The following TAP2 variants were observed in gnomAD, a reference collection of about 807,000 sequenced individuals.
TAP2 encodes the protein transporter 2, ATP binding cassette subfamily B member.
A neutral mutation model predicts 74.7 loss-of-function variants in TAP2; 49 were observed. That is an observed-to-expected ratio of 0.66 (90% CI 0.52 to 0.83). The LOEUF is 0.83. TAP2 is among the 40% of genes least tolerant of loss of function. The pLI is 0.00. For synonymous variants in TAP2, 306 were observed against 368.4 expected, an observed-to-expected ratio of 0.83 and a Z score of 1.94; for missense variants, 739 against 859.0, an observed-to-expected ratio of 0.86 and a Z score of 1.75.
rs143986368 is a variant in TAP2, at chr6:32,833,768, G to C, written c.946-944C>G. On this transcript the variant is annotated intron_variant, in intron 5 of 11. Transcript: ENST00000374897. ...TCTGGCTGTGTCCCTACCCATATCT[G>C]ATCTTGAATTCCCATGTGTTGTGGG... Among the ~76,000 whole-genome samples, 5 of 152,290 alleles carry C rather than the reference G, an allele frequency of 3.3e-5. No individual in the cohort carries two copies. In the East Asian group the frequency reaches 9.6e-4, roughly 29 times the overall value.
In TAP2 at chr6:32,827,489, C is replaced by T; in HGVS notation, c.*1417G>A. On this transcript the variant is annotated 3_prime_UTR_variant, in exon 12 of 12. Transcript: ENST00000374897. The stretch of plus-strand genomic sequence containing the variant: ...AAGGGAAGATAGAACTTTAAAAGGG[C>T]TGTGAAAGAGGTAACCGCACAGTGA... 1 of 407,062 alleles carries T rather than the reference C, an allele frequency of 2.5e-6. No individual in the cohort carries two copies. Among genetic ancestry groups the T allele is most frequent in the Non-Finnish European group, 3.3e-6 (1 of 301,932 alleles). 25.2% of individuals were successfully genotyped at this position (407,062 alleles called of 1,614,324 possible).
At chr6:32,821,942 G>T (rs1012740801), downstream of TAP2, 6 of 257,932 alleles carry the variant, frequency 2.3e-5, no homozygotes, top group Non-Finnish European at 4.4e-5. Context: ...ACCAGCAAGA[G>T]GTGTAACATG....
intron 3 of TAP2, among the ~76,000 whole-genome samples, chr6:32,836,636 T>G (rs1163189868): frequency 6.6e-6 from 1 of 152,226 alleles, no homozygotes; most frequent in Admixed American, 6.5e-5. Context: ...GTACAACATA[T>G]AACTGCACCT....
chr6:32,829,118 G>A lies in TAP2; in HGVS notation c.1933-84C>T. Reference sequence around the variant, plus strand: ...CTGGGCACCATCTCTTATGATTTAGGGTAAAGAAGGTGTGAAATAAAAGAA... The same window carrying A: ...CTGGGCACCATCTCTTATGATTTAGAGTAAAGAAGGTGTGAAATAAAAGAA... On this transcript the variant is annotated intron_variant, in intron 11 of 11. Transcript: ENST00000374897. The A allele has an allele frequency of 3.3e-6, 5 of 1,512,998 alleles. No individual in the cohort carries two copies. The Admixed American group carries it at 9.9e-5, about 30-fold the overall frequency. 93.7% of individuals were successfully genotyped at this position (1,512,998 alleles called of 1,614,324 possible).
downstream of TAP2, chr6:32,822,423 A>G: frequency 1.4e-6 from 1 of 740,658 alleles, no homozygotes. Context: ...TGTCAGTATA[A>G]TAAGTAAATT....
In TAP2 at chr6:32,825,588, A is replaced by G. The variant is rs942867637; in HGVS notation, c.*3318T>C. The G allele has an allele frequency of 6.6e-6, 1 of 152,252 alleles. No individual in the cohort carries two copies. Among genetic ancestry groups the G allele is most frequent in the Non-Finnish European group, 1.5e-5 (1 of 68,034 alleles). The allele number at this position is 152,252 out of a possible 1,614,324, so 9.4% of individuals were successfully genotyped here. On this transcript the variant is annotated 3_prime_UTR_variant, in exon 12 of 12. Transcript: ENST00000374897. Reference sequence around the variant, plus strand: ...ACAAAGCTGGAAGAACGGATTGCCTATGCAAGAGGAATTAGCAAACCTTGA... The same window carrying G: ...ACAAAGCTGGAAGAACGGATTGCCTGTGCAAGAGGAATTAGCAAACCTTGA...
chr6:32,838,068 T>C lies in TAP2; in HGVS notation c.166A>G (p.Arg56Gly), dbSNP rs765259917. ...LGGLWGLLKL[R>G]GLLGFVGTLL... Reference sequence around the variant, plus strand: ...GTCCCCACAAATCCCAGCAGCCCTCTTAGCTTTAGCAGCCCCCACAGCCCT... The same window carrying C: ...GTCCCCACAAATCCCAGCAGCCCTCCTAGCTTTAGCAGCCCCCACAGCCCT... Residue 56 changes from arginine (R) to glycine (G), a missense_variant, in exon 2 of 12, where the codon AGA becomes GGA. By Grantham distance (125) the Arg-to-Gly change is moderately radical (BLOSUM62 -2). Coordinates refer to ENST00000374897, the MANE Select transcript of TAP2 (RefSeq NM_001290043.2). The C allele has an allele frequency of 1.9e-6, 3 of 1,612,038 alleles. No individual in the cohort carries two copies. In the Admixed American group the frequency reaches 5.0e-5, roughly 27 times the overall value.
rs368644809 is a variant in TAP2, at chr6:32,827,211, G to A, written c.*1695C>T. 2.0e-6 allele frequency: 2 copies of A among 985,468 alleles called. No individual in the cohort carries two copies. The highest frequency in any genetic ancestry group is 2.3e-4 in the East Asian group (2 of 8,822). 61.0% of individuals were successfully genotyped at this position (985,468 alleles called of 1,614,324 possible). On this transcript the variant is annotated 3_prime_UTR_variant, in exon 12 of 12. Transcript: ENST00000374897. ...GGAATATGAAGGTTTCTCTTTCCTAGAATAGCAACTTTCCAAGGTAAGTCC... is the reference window on the plus strand; with the variant it reads ...GGAATATGAAGGTTTCTCTTTCCTAAAATAGCAACTTTCCAAGGTAAGTCC...
chr6:32,830,552 T>C, intron 8 of TAP2, 66 bp downstream of exon 8: 2 of 1,607,318 alleles, frequency 1.2e-6, no homozygotes, highest in Non-Finnish European at 1.7e-6. Flanking sequence ...AACTATAGGC[T>C]GTGATGTCCA....
rs780498283 is a variant in TAP2 at position 32,829,436 on chromosome 6, C to T, written c.1896G>A (p.Glu632=). 5 of 1,610,626 alleles carry T rather than the reference C, an allele frequency of 3.1e-6. No homozygotes were observed. The South Asian group carries it at 4.4e-5, about 14-fold the overall frequency. The change falls in exon 11 of 12, where the codon GAG becomes GAA. Residue 632 remains glutamate (E), a synonymous_variant. Transcript: ENST00000374897. ...VRDPRVLILD[E]ATSALDVQCE... ...ACTGCACATCTAGGGCACTAGTAGC[C>T]TCATCCAGGATGAGGACCCGCGGGT... is the stretch of plus-strand genomic sequence containing the variant.
intron 10 of TAP2, among the ~76,000 whole-genome samples, 153 bp from the exon 11 acceptor site, chr6:32,829,689 G>A (rs762808): frequency 0.063 from 9,623 of 152,256 alleles, 378 homozygotes; most frequent in African/African-American, 0.095. Flanking sequence ...GCCATGGGGT[G>A]GGGACCTGAC....
rs776165058 is a variant in TAP2, at chr6:32,835,218, A to C, written c.881T>G (p.Leu294Arg). 8.7e-6 allele frequency: 14 copies of C among 1,613,022 alleles called. No individual in the cohort carries two copies. The highest frequency in any genetic ancestry group is 1.2e-5 in the Non-Finnish European group (14 of 1,180,024). Residue 294 changes from leucine to arginine, a missense_variant, in exon 5 of 12, where the codon CTC becomes CGC. Physicochemically the swap from Leu to Arg is moderately radical, Grantham distance 102 (BLOSUM62 -2). Transcript: ENST00000374897. This position sits in a 1 kb window ranked among gnomAD's most constrained non-coding sequence, Gnocchi z 4.0. ...GAAGGGCATGTGCAGCAGAGAAAGG[A>C]GGGTGAGTCGAGGCGATATGCTGAG... is the stretch of plus-strand genomic sequence containing the variant. ...FMLSISPRLTLLSLLHMPFTI... is the reference protein window; with the variant it reads ...FMLSISPRLTRLSLLHMPFTI...
Position 32,825,875 on chromosome 6 carries a change from G to C in TAP2, c.*3031C>G. ...ACTCCATTTTCTCACTCTTAGAATT[G>C]AGATAGTAATACCTGCCACATAGAA... On this transcript the variant is annotated 3_prime_UTR_variant, in exon 12 of 12. Transcript: ENST00000374897. 1.7e-6 allele frequency: 1 copy of C among 603,540 alleles called. No homozygotes were observed. Among genetic ancestry groups the C allele is most frequent in the Non-Finnish European group, 2.1e-6 (1 of 481,798 alleles). 37.4% of individuals were successfully genotyped at this position (603,540 alleles called of 1,614,324 possible).
At chr6:32,822,261 A>G (rs1282336693), downstream of TAP2, 4 of 1,516,480 alleles carry the variant, frequency 2.6e-6, no homozygotes, top group South Asian at 3.5e-5. Context: ...ATTTGAACTC[A>G]TTATTCCCAG....
At chr6:32,831,670 C>G (rs1159641531) in intron 7 of TAP2, among the ~76,000 whole-genome samples, 1 of 152,196 alleles carries the variant, frequency 6.6e-6, no homozygotes, top group Non-Finnish European at 1.5e-5. Context: ...AGAAACTCCA[C>G]AGGACAAACA....
chr6:32,837,169 G>A (rs113006037), intron 3 of TAP2, among the ~76,000 whole-genome samples: 4 of 152,178 alleles, frequency 2.6e-5, no homozygotes, highest in African/African-American at 7.2e-5. Context: ...AGTGACCCTG[G>A]AGAGATACTT....
chr6:32,829,711 C>A (rs4148874), intron 10 of TAP2, among the ~76,000 whole-genome samples, 175 bp from the exon 11 acceptor site: 1 of 152,018 alleles, frequency 6.6e-6, no homozygotes, highest in Non-Finnish European at 1.5e-5. Context: ...GGGCTGCCCA[C>A]GGAGGGAGCA....
rs1331614475 is a variant in TAP2 at position 32,826,603 on chromosome 6, C to T, written c.*2303G>A. 1.6e-5 allele frequency: 16 copies of T among 985,322 alleles called. No individual in the cohort carries two copies. The highest frequency in any genetic ancestry group is 1.1e-4 in the East Asian group (1 of 8,828). The allele number at this position is 985,322 out of a possible 1,614,324, so 61.0% of individuals were successfully genotyped here. A position where few individuals can be genotyped will look rare whatever the true frequency, so the allele number is the denominator to read the frequency against. The stretch of plus-strand genomic sequence containing the variant: ...TTCTGTGTCCCTGACATAAAGCCTA[C>T]CTGGGAGTTTCCCCTGAGATAAGAA... On this transcript the variant is annotated 3_prime_UTR_variant, in exon 12 of 12. Transcript: ENST00000374897.
chr6:32,837,666 A>C lies in TAP2; in HGVS notation c.494-15T>G. The C allele has an allele frequency of 6.2e-7, 1 of 1,614,126 alleles. No individual in the cohort carries two copies. The highest frequency in any genetic ancestry group is 8.5e-7 in the Non-Finnish European group (1 of 1,179,962). The stretch of plus-strand genomic sequence containing the variant: ...TAATGTCTCACCTGAAAGAGGCATG[A>C]AAAATAACACAAGAATGTGCTGGTG... On this transcript the variant is annotated splice_polypyrimidine_tract_variant and intron_variant, in intron 2 of 11. Coordinates refer to ENST00000374897, the MANE Select transcript of TAP2 (RefSeq NM_001290043.2).
Sources: gnomAD v4.1 joint callset for allele counts (sites outside exome capture counted in the v4.1 genomes callset) on GRCh38, gnomAD v4.1.1 for gene constraint, Gnocchi (gnomAD v3.1) non-coding constraint, MANE v1.5 for transcripts, NCBI Gene and HGNC (gene_info 2026-07-23, HGNC 2026-07-21) for gene names.